Variants in PBX1 observed in about 807,000 individuals in gnomAD.
PBX1 encodes PBX homeobox 1.
Under a neutral mutation model 53.4 loss-of-function variants are expected in PBX1, and 6 were observed. That is an observed-to-expected ratio of 0.11 (90% CI 0.06 to 0.22). The LOEUF (loss-of-function observed/expected upper bound fraction) is 0.22, where lower values mean the gene tolerates loss of function less well. Among genes scored for constraint, PBX1 ranks in the 10% least tolerant of loss-of-function variants. The pLI is 1.00. For missense variants in PBX1, 251 were observed against 551.4 expected (o/e 0.46, Z 5.46); for synonymous variants, 204 against 212.3 (o/e 0.96, Z 0.34).
chr1:164,656,578 T>C (rs1259522643), intron 2 of PBX1, among the ~76,000 whole-genome samples: 1 of 152,122 alleles, frequency 6.6e-6, no homozygotes, highest in Admixed American at 6.5e-5. Flanking sequence ...GGGAAACCTG[T>C]CTGAAATTTG....
At chr1:164,576,366 G>A in intron 2 of PBX1, among the ~76,000 whole-genome samples, 1 of 152,316 alleles carries the variant, frequency 6.6e-6, no homozygotes, top group Non-Finnish European at 1.5e-5. Flanking sequence ...CATAGAGGAC[G>A]CTTGGGAGCG....
At chr1:164,732,956 A>G (rs936195476) in intron 2 of PBX1, among the ~76,000 whole-genome samples, 4 of 152,098 alleles carry the variant, frequency 2.6e-5, no homozygotes, top group African/African-American at 7.2e-5. Context: ...ATTTTTTTCT[A>G]GTCAGTGTCA....
At chr1:164,742,541 C>CA (rs924964677) in intron 2 of PBX1, among the ~76,000 whole-genome samples, 4 of 151,500 alleles carry the variant, frequency 2.6e-5, no homozygotes, top group East Asian at 1.9e-4. Flanking sequence ...GACTCTGTCT[C>CA]AAAAAAAAGG....
intron 2 of PBX1, among the ~76,000 whole-genome samples, chr1:164,606,412 C>T (rs899156147): frequency 4.6e-5 from 7 of 151,996 alleles, no homozygotes; most frequent in Admixed American, 3.9e-4. Flanking sequence ...ATTGTTTGAA[C>T]CTGGGAGGCG....
chr1:164,822,219 A>G (rs566629868), intron 8 of PBX1, among the ~76,000 whole-genome samples: 40 of 152,158 alleles, frequency 2.6e-4, no homozygotes, highest in African/African-American at 9.6e-4. Flanking sequence ...TCAGACAGAC[A>G]CAAGGAGAAC....
chr1:164,746,145 G>A (rs1031851929), intron 2 of PBX1, among the ~76,000 whole-genome samples: 2 of 152,212 alleles, frequency 1.3e-5, no homozygotes. Context: ...AGAAAAGTCA[G>A]CTTTTAAGTT....
At chr1:164,841,236 G>A (rs1671275402) in intron 8 of PBX1, among the ~76,000 whole-genome samples, 1 of 152,162 alleles carries the variant, frequency 6.6e-6, no homozygotes, top group East Asian at 1.9e-4. Context: ...TTACAAAGCA[G>A]CCAAGGTGTG....
Position 164,737,906 on chromosome 1 carries a change from G to A in PBX1, c.266-54588G>A, listed in dbSNP as rs558738825. On this transcript the variant is annotated intron_variant, in intron 2 of 8. Coordinates refer to ENST00000420696, the MANE Select transcript of PBX1 (RefSeq NM_002585.4). Reference sequence around the variant, plus strand: ...CAACCTTCCCCACCTCCCCCCAACCGGTGCCTGGCACCCACTGATCTGCTT... The same window carrying A: ...CAACCTTCCCCACCTCCCCCCAACCAGTGCCTGGCACCCACTGATCTGCTT... Among the ~76,000 whole-genome samples the A allele has an allele frequency of 2.6e-5, 4 of 152,072 alleles. 1 individual carries two copies. In the South Asian group the frequency reaches 6.2e-4, roughly 24 times the overall value.
At chr1:164,876,687 T>A (rs1198484063) in intron 2 of PBX1, among the ~76,000 whole-genome samples, 2 of 152,154 alleles carry the variant, frequency 1.3e-5, no homozygotes, top group African/African-American at 4.8e-5. Context: ...AATGCATTAC[T>A]AATTTCTGTG....
intron 2 of PBX1, among the ~76,000 whole-genome samples, chr1:164,577,501 G>A (rs1654334467): frequency 6.6e-6 from 1 of 152,196 alleles, no homozygotes; most frequent in African/African-American, 2.4e-5. Context: ...CTGGAGCCCA[G>A]GCAGGAAGGG....
At chr1:164,878,973 G>A (rs139493050) in intron 2 of PBX1, among the ~76,000 whole-genome samples, 115 of 152,280 alleles carry the variant, frequency 7.6e-4, no homozygotes, top group African/African-American at 2.8e-3. Flanking sequence ...CTTTGTATGA[G>A]CCTCAGGTTT....
At chr1:164,878,631 A>G (rs986709182) in intron 2 of PBX1, among the ~76,000 whole-genome samples, 1 of 152,156 alleles carries the variant, frequency 6.6e-6, no homozygotes, top group Admixed American at 6.5e-5. Flanking sequence ...TCAATATGCA[A>G]TGACATCACC....
chr1:164,876,062 T>C (rs936600512), intron 2 of PBX1, among the ~76,000 whole-genome samples: 27 of 121,438 alleles, frequency 2.2e-4, no homozygotes, highest in African/African-American at 7.0e-4. Flanking sequence ...CATTTGGAAA[T>C]GGCCTAAGGT....
intron 8 of PBX1, among the ~76,000 whole-genome samples, chr1:164,831,828 C>G (rs1334618402): frequency 2.0e-5 from 3 of 152,148 alleles, no homozygotes; most frequent in Non-Finnish European, 2.9e-5. Context: ...CAGCCAGGGG[C>G]TCCCTCCCTT....
chr1:164,778,757 G>A (rs1667790895), intron 2 of PBX1, among the ~76,000 whole-genome samples: 2 of 152,188 alleles, frequency 1.3e-5, no homozygotes, highest in Admixed American at 1.3e-4. Flanking sequence ...TCTGCAAAAG[G>A]CAGCATGAAA....
chr1:164,733,998 A>G (rs7532552), intron 2 of PBX1, among the ~76,000 whole-genome samples: 63,746 of 152,046 alleles, frequency 0.42, 14,933 homozygotes, highest in South Asian at 0.69. Flanking sequence ...TGGCGTATGC[A>G]TGCACATATT....
At chr1:164,734,797 A>G (rs1264220684) in intron 2 of PBX1, among the ~76,000 whole-genome samples, 2 of 152,186 alleles carry the variant, frequency 1.3e-5, no homozygotes, top group Non-Finnish European at 2.9e-5. Flanking sequence ...GAAATTTTAT[A>G]TGATGGTACT....
intron 2 of PBX1, among the ~76,000 whole-genome samples, chr1:164,880,284 T>C (rs1672616484): frequency 6.6e-6 from 1 of 152,212 alleles, no homozygotes; most frequent in Non-Finnish European, 1.5e-5. Context: ...CTGCCCTTGA[T>C]AAACAGAAAA....
intron 2 of PBX1, among the ~76,000 whole-genome samples, chr1:164,608,513 G>A (rs1656700180): frequency 6.6e-6 from 1 of 152,186 alleles, no homozygotes. Context: ...TTATTAGTGT[G>A]CACTTGCATC....
Sources: gnomAD v4.1 joint callset for allele counts (sites outside exome capture counted in the v4.1 genomes callset) on GRCh38, gnomAD v4.1.1 for gene constraint, MANE v1.5 for transcripts, NCBI Gene and HGNC (gene_info 2026-07-23, HGNC 2026-07-21) for gene names.